The following CNOT10 variants were observed in gnomAD, a reference collection of about 807,000 sequenced individuals.
CNOT10 encodes CCR4-NOT transcription complex, subunit 10.
A neutral mutation model predicts 94.6 loss-of-function variants in CNOT10; 30 were observed. The observed-to-expected ratio is 0.32, with a 90% CI of 0.24 to 0.43. The LOEUF (loss-of-function observed/expected upper bound fraction) is 0.43, where lower values mean the gene tolerates loss of function less well. Ranked by LOEUF, CNOT10 falls within the 20% of genes least tolerant of loss-of-function variation. The pLI, the probability that CNOT10 is intolerant of heterozygous loss-of-function variation, is 1.00. For synonymous variants in CNOT10, 289 were observed against 301.6 expected (o/e 0.96, Z 0.43); for missense variants, 759 against 877.2 (o/e 0.87, Z 1.70).
chr3:32,754,391 G>T (rs1700106089), intron 13 of CNOT10, among the ~76,000 whole-genome samples: 1 of 136,528 alleles, frequency 7.3e-6, no homozygotes. Context: ...GCAGGAGAAT[G>T]GCATGAACCT....
At chr3:32,753,090 G>GTGTTGC (rs1307243737) in intron 13 of CNOT10, 2 of 533,160 alleles carry the variant, frequency 3.8e-6, no homozygotes, top group East Asian at 9.5e-5. Flanking sequence ...TGTAATTACT[G>GTGTTGC]TGTTGCTGTT....
At chr3:32,754,216 G>A (rs1004783361) in intron 13 of CNOT10, among the ~76,000 whole-genome samples, 12 of 151,628 alleles carry the variant, frequency 7.9e-5, no homozygotes, top group Non-Finnish European at 1.3e-4. Context: ...AGTGGCTCAC[G>A]CCTGTAATCC....
At position 32,733,548 on chromosome 3, in the gene CNOT10, A is replaced by G; in HGVS notation, c.1337+4A>G. ...CTATACAGAATACTGTTTATAAGTAAGTATTTTGCAAAGAAAAAGTGTATA... is the reference window on the plus strand; with the variant it reads ...CTATACAGAATACTGTTTATAAGTAGGTATTTTGCAAAGAAAAAGTGTATA... On this transcript the variant is annotated splice_donor_region_variant and intron_variant, in intron 11 of 18. Transcript: ENST00000328834. The G allele has an allele frequency of 6.6e-7, 1 of 1,526,638 alleles. No individual in the cohort carries two copies. Among genetic ancestry groups the G allele is most frequent in the East Asian group, 2.3e-5 (1 of 43,312 alleles). 94.6% of individuals were successfully genotyped at this position (1,526,638 alleles called of 1,614,324 possible). A position where few individuals can be genotyped will look rare whatever the true frequency, so the allele number is the denominator to read the frequency against.
chr3:32,717,978 G>A (rs1369736223), intron 7 of CNOT10, among the ~76,000 whole-genome samples: 1 of 152,138 alleles, frequency 6.6e-6, no homozygotes, highest in African/African-American at 2.4e-5. Context: ...ATTTAACTGA[G>A]ATAGAATTAC....
intron 13 of CNOT10, among the ~76,000 whole-genome samples, chr3:32,742,474 C>T (rs2125594672): frequency 6.6e-6 from 1 of 151,740 alleles, no homozygotes; most frequent in Middle Eastern, 3.4e-3. Flanking sequence ...CTCCGCCTCC[C>T]AGGTGCAAGC....
chr3:32,764,657 C>G, intron 16 of CNOT10, 25 bp from the exon 17 acceptor site: 1 of 1,612,526 alleles, frequency 6.2e-7, no homozygotes, highest in South Asian at 1.1e-5. Context: ...GCCTCTTCAC[C>G]AGTGTCTACA....
intron 17 of CNOT10, chr3:32,769,184 A>C (rs1252571185): frequency 6.6e-6 from 1 of 152,314 alleles, no homozygotes; most frequent in Non-Finnish European, 1.5e-5. Flanking sequence ...GGAAGCAATG[A>C]GCAACTAAAA....
intron 1 of CNOT10, among the ~76,000 whole-genome samples, chr3:32,701,716 T>A (rs1434286237): frequency 6.6e-6 from 1 of 152,226 alleles, no homozygotes; most frequent in Non-Finnish European, 1.5e-5. Flanking sequence ...TCCCTATATG[T>A]GCTTTCTGTA....
At chr3:32,748,655 GCT>G in intron 13 of CNOT10, among the ~76,000 whole-genome samples, 1 of 151,650 alleles carries the variant, frequency 6.6e-6, no homozygotes. Context: ...TGGGATTACA[GCT>G]GCCCACCACA....
chr3:32,751,957 T>G (rs762189292), intron 13 of CNOT10, among the ~76,000 whole-genome samples: 4 of 152,178 alleles, frequency 2.6e-5, no homozygotes, highest in Non-Finnish European at 5.9e-5. Flanking sequence ...GGATCTCATT[T>G]AGATGAACTG....
intron 16 of CNOT10, 51 bp downstream of exon 16, chr3:32,764,541 A>G (rs1296076911): frequency 1.2e-6 from 2 of 1,606,372 alleles, no homozygotes; most frequent in Non-Finnish European, 1.7e-6. Context: ...CATCCCAAAA[A>G]TTTAGATTCT....
intron 1 of CNOT10, among the ~76,000 whole-genome samples, chr3:32,687,124 A>G (rs909825289): frequency 6.6e-6 from 1 of 152,220 alleles, no homozygotes; most frequent in African/African-American, 2.4e-5. Flanking sequence ...TGAATAAAAT[A>G]GATGAGTGTT....
intron 17 of CNOT10, among the ~76,000 whole-genome samples, chr3:32,765,657 C>A (rs1045374539): frequency 2.2e-5 from 1 of 44,750 alleles, no homozygotes; most frequent in Admixed American, 3.0e-4. Flanking sequence ...CCTGTCCCCC[C>A]AAAAAAAAAA....
chr3:32,762,659 A>G (rs1700502306), intron 14 of CNOT10, 74 bp from the exon 15 acceptor site: 12 of 1,428,590 alleles, frequency 8.4e-6, no homozygotes, highest in Non-Finnish European at 1.0e-5. Context: ...AACATAATAT[A>G]CCCAGCATTA....
chr3:32,718,108 A>G (rs1698203188), intron 7 of CNOT10, among the ~76,000 whole-genome samples: 1 of 152,072 alleles, frequency 6.6e-6, no homozygotes, highest in Non-Finnish European at 1.5e-5. Context: ...TTAGAAGTAT[A>G]AAGTCATGAG....
At chr3:32,721,861 C>A (rs1170611054) in intron 8 of CNOT10, among the ~76,000 whole-genome samples, 1 of 151,350 alleles carries the variant, frequency 6.6e-6, no homozygotes, top group Non-Finnish European at 1.5e-5. Flanking sequence ...ACCGTGTTAG[C>A]CAGGATGGTC....
chr3:32,741,435 A>G (rs1433845752), intron 13 of CNOT10, among the ~76,000 whole-genome samples: 1 of 152,138 alleles, frequency 6.6e-6, no homozygotes. Flanking sequence ...TGAACGTCCA[A>G]CAGTGCTGCA....
Position 32,759,542 on chromosome 3 carries a change from T to G in CNOT10, c.1680T>G (p.Leu560=). 6.2e-7 allele frequency: 1 copy of G among 1,614,042 alleles called. No homozygotes were observed. The highest frequency in any genetic ancestry group is 1.1e-5 in the South Asian group (1 of 91,076). The change falls in exon 14 of 19, where the codon CTT becomes CTG. Residue 560 remains leucine, a synonymous_variant. Transcript: ENST00000328834. ...LMALNHADKL[L]QQPKLSGSLK... ...CTTTGAATCATGCAGATAAACTTCT[T>G]CAGCAGCCCAAGCTGTCAGGATCTC...
At chr3:32,771,189 T>C (rs1700888433) in intron 18 of CNOT10, among the ~76,000 whole-genome samples, 2 of 151,718 alleles carry the variant, frequency 1.3e-5, no homozygotes, top group South Asian at 4.2e-4. Context: ...TAGCTGGGTG[T>C]GGTGGTGTGC....
Sources: allele counts gnomAD v4.1 joint callset (sites outside exome capture counted in the v4.1 genomes callset), GRCh38; gene constraint gnomAD v4.1.1; transcripts MANE v1.5; gene names NCBI Gene and HGNC (gene_info 2026-07-23, HGNC 2026-07-21).